The following NRXN1 variants were observed in gnomAD, a reference collection of about 807,000 sequenced individuals.
The protein encoded by NRXN1 is neurexin-1.
NRXN1 carries 39 observed loss-of-function variants against 150.9 expected under a neutral mutation model. That is an observed-to-expected ratio of 0.26 (90% CI 0.20 to 0.34). The LOEUF (loss-of-function observed/expected upper bound fraction) is 0.34. Among genes scored for constraint, NRXN1 ranks in the 10% least tolerant of loss-of-function variants. NRXN1 has a pLI of 1.00. For synonymous variants in NRXN1, 924 were observed against 757.0 expected, an observed-to-expected ratio of 1.22 and a Z score of -3.62; for missense variants, 1,815 against 1,949.9, an observed-to-expected ratio of 0.93 and a Z score of 1.30.
chr2:50,233,372 G>A (rs2065138193), intron 18 of NRXN1, among the ~76,000 whole-genome samples: 1 of 151,960 alleles, frequency 6.6e-6, no homozygotes, highest in South Asian at 2.1e-4. Context: ...AAGTTGTTAT[G>A]TTTTTAAGAG....
At position 49,953,403 on chromosome 2, in the gene NRXN1, G is replaced by A. The variant is rs1209919740; in HGVS notation, c.4129-9612C>T. The stretch of plus-strand genomic sequence containing the variant: ...CTTGTTCATGTGCTAAGAGGATCCA[G>A]TGTCTTCTAGTTCTAGTTAAACTGG... On this transcript the variant is annotated intron_variant, in intron 21 of 22. Transcript: ENST00000401669. Among the ~76,000 whole-genome samples the A allele has an allele frequency of 2.6e-5, 4 of 152,188 alleles. No homozygotes were observed. The South Asian group carries it at 6.2e-4, about 24-fold the overall frequency.
chr2:50,427,764 T>C (rs1394046000), intron 17 of NRXN1, among the ~76,000 whole-genome samples: 1 of 152,194 alleles, frequency 6.6e-6, no homozygotes. Context: ...GTTGACACAA[T>C]AACAAGACCT....
At chr2:50,618,962 C>T (rs1641949120) in intron 8 of NRXN1, 1 of 151,938 alleles carries the variant, frequency 6.6e-6, no homozygotes, top group Non-Finnish European at 1.5e-5. Flanking sequence ...AAAACTATTG[C>T]ACCTTTAAAT....
In NRXN1 at chr2:50,494,986, G is replaced by A. The variant is rs556689693; in HGVS notation, c.3070+919C>T. Among the ~76,000 whole-genome samples, 11 of 150,628 alleles carry A rather than the reference G, an allele frequency of 7.3e-5. No individual in the cohort carries two copies. In the South Asian group the frequency reaches 2.3e-3, roughly 32 times the overall value. On this transcript the variant is annotated intron_variant, in intron 15 of 22. Transcript: ENST00000401669. ...GCAGAGACTGAAGTGAGCCGAGATC[G>A]TGCCACTGCACTCCAGCCTGGGTGA...
At chr2:50,513,660 T>G (rs749589392) in intron 12 of NRXN1, among the ~76,000 whole-genome samples, 1 of 152,094 alleles carries the variant, frequency 6.6e-6, no homozygotes, top group Non-Finnish European at 1.5e-5. Flanking sequence ...TACTGGTTTA[T>G]GAATGTGGAG....
intron 5 of NRXN1, among the ~76,000 whole-genome samples, chr2:50,767,089 G>C (rs539731753): frequency 6.6e-6 from 1 of 152,132 alleles, no homozygotes; most frequent in Non-Finnish European, 1.5e-5. Flanking sequence ...CCCGTATGCT[G>C]AATGCAGTTG....
intron 5 of NRXN1, among the ~76,000 whole-genome samples, chr2:50,624,544 G>C (rs1035081755): frequency 1.3e-5 from 2 of 152,034 alleles, no homozygotes; most frequent in Non-Finnish European, 2.9e-5. Flanking sequence ...AAATTATCTG[G>C]TAAGGAGAAA....
At chr2:50,695,263 A>G (rs1437356936) in intron 5 of NRXN1, among the ~76,000 whole-genome samples, 2 of 152,110 alleles carry the variant, frequency 1.3e-5, no homozygotes, top group Non-Finnish European at 1.5e-5. Flanking sequence ...TAATTGTATT[A>G]TTTACCGACA....
At chr2:50,080,331 T>G (rs114276781) in intron 19 of NRXN1, among the ~76,000 whole-genome samples, 1,830 of 152,250 alleles carry the variant, frequency 0.012, 19 homozygotes, top group Non-Finnish European at 0.02. Context: ...ATACATTAAA[T>G]TTTATCATAG....
At chr2:50,788,601 GAGAC>G (rs1158332731) in intron 5 of NRXN1, among the ~76,000 whole-genome samples, 1 of 151,910 alleles carries the variant, frequency 6.6e-6, no homozygotes, top group African/African-American at 2.4e-5. Flanking sequence ...GTGAGAGAGA[GAGAC>G]AGAGAGAGAG....
chr2:50,262,993 G>C (rs1372415490), intron 17 of NRXN1, among the ~76,000 whole-genome samples: 2 of 151,888 alleles, frequency 1.3e-5, no homozygotes, highest in Admixed American at 6.6e-5. Flanking sequence ...AATGCCCTTA[G>C]ACCTTTCACA....
At chr2:51,018,130 C>T (rs1260412145) in intron 2 of NRXN1, among the ~76,000 whole-genome samples, 1 of 152,052 alleles carries the variant, frequency 6.6e-6, no homozygotes, top group African/African-American at 2.4e-5. Context: ...CTCCTAAGCT[C>T]TCATCAGTTG....
intron 17 of NRXN1, among the ~76,000 whole-genome samples, chr2:50,273,960 C>T (rs1262667515): frequency 8.5e-5 from 13 of 152,112 alleles, no homozygotes. Flanking sequence ...TTGTGGAAGA[C>T]AGTGTGGCTA....
chr2:50,244,141 A>C (rs2152889742), intron 17 of NRXN1, among the ~76,000 whole-genome samples: 1 of 152,042 alleles, frequency 6.6e-6, no homozygotes, highest in South Asian at 2.1e-4. Context: ...TCATAAATAC[A>C]TTTTATCACA....
chr2:50,413,415 G>A (rs561548652), intron 17 of NRXN1, among the ~76,000 whole-genome samples: 14 of 152,084 alleles, frequency 9.2e-5, no homozygotes, highest in African/African-American at 3.1e-4. Flanking sequence ...ACAGGTATAT[G>A]AAAAAGTGCT....
chr2:50,316,835 A>G (rs2075648662), intron 17 of NRXN1, among the ~76,000 whole-genome samples: 1 of 151,992 alleles, frequency 6.6e-6, no homozygotes, highest in Non-Finnish European at 1.5e-5. Flanking sequence ...ATGTCAAAAT[A>G]TCAATCAGAA....
intron 18 of NRXN1, among the ~76,000 whole-genome samples, chr2:50,205,675 C>A (rs980002939): frequency 6.6e-6 from 1 of 152,026 alleles, no homozygotes; most frequent in East Asian, 1.9e-4. Flanking sequence ...TAGCATTACT[C>A]ATGATTACCA....
At chr2:50,553,864 T>G (rs1014252391) in intron 8 of NRXN1, among the ~76,000 whole-genome samples, 34 of 152,322 alleles carry the variant, frequency 2.2e-4, no homozygotes, top group Non-Finnish European at 4.1e-4. Flanking sequence ...TTAACACATT[T>G]GATAATTCAC....
At chr2:50,183,782 C>G (rs1186352780) in intron 18 of NRXN1, among the ~76,000 whole-genome samples, 2 of 151,288 alleles carry the variant, frequency 1.3e-5, no homozygotes, top group Non-Finnish European at 2.9e-5. Flanking sequence ...TTGTAACAAC[C>G]TTGAGAAAAT....
Sources: allele counts gnomAD v4.1 joint callset (sites outside exome capture counted in the v4.1 genomes callset), GRCh38; gene constraint gnomAD v4.1.1; transcripts MANE v1.5; gene names NCBI Gene and HGNC (gene_info 2026-07-23, HGNC 2026-07-21).